The following ROBO2 variants were observed in gnomAD, a reference collection of about 807,000 sequenced individuals.
The protein encoded by ROBO2 is roundabout homolog 2.
ROBO2 carries 53 observed loss-of-function variants against 160.8 expected under a neutral mutation model. The ratio of observed to expected loss-of-function variants is 0.33; its 90% CI spans 0.26 to 0.41. The LOEUF is 0.41. Among genes scored for constraint, ROBO2 ranks in the 10% least tolerant of loss-of-function variants. The pLI is 1.00. For synonymous variants in ROBO2, 664 were observed against 611.7 expected (o/e 1.09, Z -1.26); for missense variants, 1,577 against 1,722.4 (o/e 0.92, Z 1.49).
At position 77,206,338 on chromosome 3, in the gene ROBO2, T is replaced by C. The variant is rs577588948; in HGVS notation, c.388+107998T>C. ...GTGCCCGCCACCAAGCCTGGCTAAT[T>C]TTTGCATTTTTGGTGGAGACGGGTT... On this transcript the variant is annotated intron_variant, in intron 2 of 25. Coordinates refer to ENST00000461745, the Ensembl canonical transcript of ROBO2. 2.9e-4 allele frequency among the ~76,000 whole-genome samples: 44 copies of C among 152,172 alleles called. No individual in the cohort carries two copies. The South Asian group carries it at 5.8e-3, about 20-fold the overall frequency.
At chr3:77,614,562 CACTT>C (rs944721547) in intron 21 of ROBO2, among the ~76,000 whole-genome samples, 3 of 152,052 alleles carry the variant, frequency 2.0e-5, no homozygotes, top group Non-Finnish European at 4.4e-5. Context: ...TCTTGCAACT[CACTT>C]AGGTAGCCTC....
chr3:76,155,922 T>G (rs546793591), intron 2 of ROBO2, among the ~76,000 whole-genome samples: 20 of 152,294 alleles, frequency 1.3e-4, no homozygotes, highest in African/African-American at 4.8e-4. Context: ...GTAGGCAATT[T>G]TCCTTTCTAC....
At chr3:76,210,756 T>C (rs918106980) in intron 2 of ROBO2, among the ~76,000 whole-genome samples, 1 of 152,146 alleles carries the variant, frequency 6.6e-6, no homozygotes, top group African/African-American at 2.4e-5. Flanking sequence ...TATCTAATCA[T>C]GCAAGTTGCA....
At chr3:77,393,607 A>G (rs1055359009) in intron 2 of ROBO2, among the ~76,000 whole-genome samples, 2 of 149,086 alleles carry the variant, frequency 1.3e-5, no homozygotes, top group African/African-American at 4.9e-5. Context: ...ATATATTTAT[A>G]CTGAACATCA....
At chr3:75,983,786 T>TAC (rs1425200556) in intron 2 of ROBO2, among the ~76,000 whole-genome samples, 3 of 151,386 alleles carry the variant, frequency 2.0e-5, no homozygotes, top group African/African-American at 7.3e-5. Flanking sequence ...TTCATTCCTT[T>TAC]ACACACATCA....
chr3:77,474,657 TAC>T (rs9286680), intron 2 of ROBO2, among the ~76,000 whole-genome samples: 37,784 of 128,196 alleles, frequency 0.29, 4,894 homozygotes, highest in East Asian at 0.42. Context: ...TTAGGGGGAA[TAC>T]ACACACACAC....
intron 2 of ROBO2, among the ~76,000 whole-genome samples, chr3:76,030,017 T>G (rs554211407): frequency 2.0e-5 from 3 of 152,174 alleles, no homozygotes; most frequent in Non-Finnish European, 1.5e-5. Flanking sequence ...CCACATCCTC[T>G]CCAGCACCTG....
At chr3:76,424,036 G>A (rs947831122) in intron 2 of ROBO2, among the ~76,000 whole-genome samples, 3 of 152,102 alleles carry the variant, frequency 2.0e-5, no homozygotes, top group Non-Finnish European at 4.4e-5. Context: ...ACATGGTTGT[G>A]ATCTTGGATG....
chr3:76,558,747 C>T (rs2108464776), intron 2 of ROBO2, among the ~76,000 whole-genome samples: 1 of 152,094 alleles, frequency 6.6e-6, no homozygotes, highest in African/African-American at 2.4e-5. Context: ...CATATTAAAA[C>T]ACTTGAAACA....
chr3:76,369,681 G>A (rs559272499), intron 2 of ROBO2, among the ~76,000 whole-genome samples: 1 of 151,860 alleles, frequency 6.6e-6, no homozygotes, highest in East Asian at 1.9e-4. Context: ...CTCTATCTTT[G>A]GTTTGTCTCT....
At chr3:76,239,677 T>C (rs2107509044) in intron 2 of ROBO2, among the ~76,000 whole-genome samples, 1 of 152,326 alleles carries the variant, frequency 6.6e-6, no homozygotes, top group South Asian at 2.1e-4. Flanking sequence ...GGTCTCTACT[T>C]GATCAAGATT....
At position 76,913,026 on chromosome 3, in the gene ROBO2, A is replaced by C. The variant is rs963932759; in HGVS notation, c.110-184988A>C. 3.7e-4 allele frequency among the ~76,000 whole-genome samples: 57 copies of C among 152,154 alleles called. 1 individual carries two copies. Among genetic ancestry groups the C allele is most frequent in the Non-Finnish European group, 4.4e-5 (3 of 68,034 alleles). On this transcript the variant is annotated intron_variant, in intron 2 of 26. Coordinates refer to the ROBO2 transcript ENST00000487694. ...TCTGAGTAACTCAAGCATAAACAGGAAAGAAATTTGATAGCAAACCTTGGT... is the reference window on the plus strand; with the variant it reads ...TCTGAGTAACTCAAGCATAAACAGGCAAGAAATTTGATAGCAAACCTTGGT...
intron 2 of ROBO2, among the ~76,000 whole-genome samples, chr3:75,979,199 T>C (rs977378414): frequency 1.3e-5 from 2 of 151,586 alleles, no homozygotes; most frequent in Non-Finnish European, 3.0e-5. Context: ...ATGGCAGTGA[T>C]AACTAACAGA....
intron 2 of ROBO2, among the ~76,000 whole-genome samples, chr3:76,218,290 C>T (rs1222998736): frequency 6.6e-5 from 10 of 152,046 alleles, no homozygotes; most frequent in Admixed American, 2.0e-4. Context: ...CCTATTCCAC[C>T]TAGTGTTGAA....
chr3:76,812,663 TA>T (rs540827513), intron 2 of ROBO2, among the ~76,000 whole-genome samples: 1 of 152,078 alleles, frequency 6.6e-6, no homozygotes, highest in Admixed American at 6.6e-5. Flanking sequence ...AAGCAAAAAA[TA>T]TTAGTTCTCA....
chr3:76,150,348 C>T (rs930611262), intron 2 of ROBO2, among the ~76,000 whole-genome samples: 10 of 135,310 alleles, frequency 7.4e-5, no homozygotes, highest in South Asian at 4.9e-4. Flanking sequence ...GTCTAAAGCA[C>T]ACATCTGTCT....
intron 6 of ROBO2, among the ~76,000 whole-genome samples, chr3:77,527,137 G>A (rs749651596): frequency 1.7e-4 from 26 of 151,422 alleles, no homozygotes; most frequent in Non-Finnish European, 3.5e-4. Context: ...AATAACTGCA[G>A]TAAGTGATGA....
chr3:77,308,429 A>G (rs1560499567), intron 2 of ROBO2, among the ~76,000 whole-genome samples: 1 of 152,116 alleles, frequency 6.6e-6, no homozygotes, highest in Non-Finnish European at 1.5e-5. Flanking sequence ...TGGGAGAAAG[A>G]ACCTAGACTT....
intron 2 of ROBO2, among the ~76,000 whole-genome samples, chr3:76,442,016 G>A (rs1422935426): frequency 1.3e-5 from 2 of 152,172 alleles, no homozygotes; most frequent in Non-Finnish European, 2.9e-5. Context: ...TTGCCTTGGT[G>A]GTGTCCACCC....
Sources: gnomAD v4.1 joint callset for allele counts (sites outside exome capture counted in the v4.1 genomes callset) on GRCh38, gnomAD v4.1.1 for gene constraint, MANE v1.5 for transcripts, NCBI Gene and HGNC (gene_info 2026-07-23, HGNC 2026-07-21) for gene names.